SCHIP1: variants seen among roughly 807,000 people sequenced by gnomAD.
SCHIP1 encodes the protein schwannomin-interacting protein 1.
Under a neutral mutation model 29.7 loss-of-function variants are expected in SCHIP1, and 8 were observed. The ratio of observed to expected loss-of-function variants is 0.27; its 90% CI spans 0.16 to 0.49. SCHIP1 has a LOEUF of 0.49. Among genes scored for constraint, SCHIP1 ranks in the 20% least tolerant of loss-of-function variants. The pLI is 0.99. For synonymous variants in SCHIP1, 76 were observed against 94.9 expected, an observed-to-expected ratio of 0.80 and a Z score of 1.16; for missense variants, 193 against 294.6, an observed-to-expected ratio of 0.66 and a Z score of 2.52.
the SCHIP1 span, among the ~76,000 whole-genome samples, chr3:159,509,515 G>A: frequency 6.6e-6 from 1 of 152,186 alleles, no homozygotes; most frequent in Non-Finnish European, 1.5e-5. Flanking sequence ...TCATTATGAT[G>A]TTAGCTGGTT....
the SCHIP1 span, among the ~76,000 whole-genome samples, chr3:159,611,258 T>G: frequency 6.6e-6 from 1 of 152,118 alleles, no homozygotes; most frequent in South Asian, 2.1e-4. Context: ...CCAGTTCTTA[T>G]GAATGTCAGA....
the SCHIP1 span, among the ~76,000 whole-genome samples, chr3:159,524,259 G>A: frequency 6.6e-6 from 1 of 152,162 alleles, no homozygotes; most frequent in Non-Finnish European, 1.5e-5. Context: ...ACAAAAGACT[G>A]GTTTCACAGT....
At chr3:159,579,840 ATTTC>A in the SCHIP1 span, among the ~76,000 whole-genome samples, 1 of 152,086 alleles carries the variant, frequency 6.6e-6, no homozygotes, top group Non-Finnish European at 1.5e-5. Flanking sequence ...CTCTTTTTTT[ATTTC>A]TTAAACATTA....
the SCHIP1 span, among the ~76,000 whole-genome samples, chr3:159,715,804 G>A: frequency 2.6e-5 from 4 of 152,158 alleles, no homozygotes; most frequent in South Asian, 8.3e-4. Flanking sequence ...TGGGGAGAAT[G>A]GAACCAAGTT....
the SCHIP1 span, among the ~76,000 whole-genome samples, chr3:159,718,991 G>A: frequency 3.3e-5 from 5 of 152,132 alleles, no homozygotes; most frequent in Non-Finnish European, 7.3e-5. Context: ...TATACTACAA[G>A]CCTACAGTAA....
the SCHIP1 span, among the ~76,000 whole-genome samples, chr3:159,628,366 C>T: frequency 6.6e-6 from 1 of 152,322 alleles, no homozygotes; most frequent in Non-Finnish European, 1.5e-5. Context: ...ATCTTCAATA[C>T]TTCATGCACA....
the SCHIP1 span, among the ~76,000 whole-genome samples, chr3:159,446,224 A>T: frequency 3.3e-5 from 5 of 151,292 alleles, no homozygotes; most frequent in African/African-American, 1.2e-4. Context: ...ATACATGCAA[A>T]CACACACACA....
At chr3:159,860,542 A>G (rs2109202844) in intron 1 of SCHIP1, among the ~76,000 whole-genome samples, 1 of 152,342 alleles carries the variant, frequency 6.6e-6, no homozygotes, top group Middle Eastern at 3.4e-3. Flanking sequence ...AGGGGTCATT[A>G]GTGAATTAGT....
chr3:159,453,302 T>G, the SCHIP1 span, among the ~76,000 whole-genome samples: 1 of 152,212 alleles, frequency 6.6e-6, no homozygotes, highest in South Asian at 2.1e-4. Context: ...CTGCCATGCC[T>G]GCATCACAGG....
the SCHIP1 span, among the ~76,000 whole-genome samples, chr3:159,812,295 G>A: frequency 1.3e-5 from 2 of 152,046 alleles, no homozygotes; most frequent in Non-Finnish European, 2.9e-5. Flanking sequence ...TATAAGTCTT[G>A]CACTTCTTTT....
At chr3:159,645,608 T>A in the SCHIP1 span, among the ~76,000 whole-genome samples, 5 of 151,856 alleles carry the variant, frequency 3.3e-5, no homozygotes, top group African/African-American at 1.2e-4. Flanking sequence ...CTGGCAGGAG[T>A]GCGGAGAATG....
chr3:159,437,322 T>C, the SCHIP1 span, among the ~76,000 whole-genome samples: 1 of 152,152 alleles, frequency 6.6e-6, no homozygotes, highest in African/African-American at 2.4e-5. Context: ...TTTGTCTATC[T>C]GGGTAAATCC....
At chr3:159,625,281 C>T in the SCHIP1 span, among the ~76,000 whole-genome samples, 1 of 152,150 alleles carries the variant, frequency 6.6e-6, no homozygotes, top group Non-Finnish European at 1.5e-5. Context: ...TCACACCTGC[C>T]TCCTAGGGGT....
the SCHIP1 span, among the ~76,000 whole-genome samples, chr3:159,783,997 T>G: frequency 2.6e-5 from 4 of 152,290 alleles, no homozygotes; most frequent in African/African-American, 9.6e-5. Context: ...CTAAAACCCT[T>G]CTGTGCTTTG....
the SCHIP1 span, among the ~76,000 whole-genome samples, chr3:159,446,496 T>A: frequency 9.7e-4 from 147 of 151,358 alleles, no homozygotes; most frequent in African/African-American, 2.0e-3. Flanking sequence ...TATTGTTGCA[T>A]TACAGCAATA....
chr3:159,460,574 G>A, the SCHIP1 span, among the ~76,000 whole-genome samples: 29 of 152,306 alleles, frequency 1.9e-4, no homozygotes, highest in African/African-American at 6.5e-4. Context: ...GTTGTATCTG[G>A]TAAGGTAATC....
chr3:159,831,118 A>C, the SCHIP1 span, among the ~76,000 whole-genome samples: 2 of 152,182 alleles, frequency 1.3e-5, no homozygotes, highest in Admixed American at 6.5e-5. Context: ...CCTGATGAGA[A>C]GCTGGGGATT....
At chr3:159,538,176 C>G in the SCHIP1 span, among the ~76,000 whole-genome samples, 1 of 152,050 alleles carries the variant, frequency 6.6e-6, no homozygotes, top group African/African-American at 2.4e-5. Context: ...AGAAAGTAAT[C>G]TAAGCATTAC....
the SCHIP1 span, among the ~76,000 whole-genome samples, chr3:159,459,844 C>T: frequency 1.3e-5 from 2 of 152,066 alleles, no homozygotes; most frequent in Non-Finnish European, 2.9e-5. Flanking sequence ...CACAGGCATA[C>T]ACAGAAGGAA....
Sources: allele counts gnomAD v4.1 joint callset (sites outside exome capture counted in the v4.1 genomes callset), GRCh38; gene constraint gnomAD v4.1.1; transcripts MANE v1.5; gene names NCBI Gene and HGNC (gene_info 2026-07-23, HGNC 2026-07-21).